Variants in CCDC85A observed in about 807,000 individuals in gnomAD.
CCDC85A encodes coiled-coil domain-containing protein 85A.
CCDC85A carries 38 observed loss-of-function variants against 50.2 expected under a neutral mutation model. The observed-to-expected ratio is 0.76, with a 90% CI of 0.58 to 0.99. CCDC85A has a LOEUF of 0.99. CCDC85A is among the 50% of genes least tolerant of loss of function. The pLI is 0.00. For missense variants in CCDC85A, 820 were observed against 742.0 expected, an observed-to-expected ratio of 1.11 and a Z score of -1.22; for synonymous variants, 366 against 301.4, an observed-to-expected ratio of 1.21 and a Z score of -2.22.
chr2:56,249,926 C>T (rs1486658909), intron 2 of CCDC85A, among the ~76,000 whole-genome samples: 14 of 152,296 alleles, frequency 9.2e-5, no homozygotes, highest in Non-Finnish European at 2.1e-4. Context: ...CAGGCCCTGC[C>T]ATAGCTATAT....
At chr2:56,379,902 T>TTCA in intron 5 of CCDC85A, 5 of 546,578 alleles carry the variant, frequency 9.1e-6, no homozygotes, top group Non-Finnish European at 9.3e-6. Context: ...CATCGTAGCT[T>TTCA]AGCTATTGTT....
At chr2:56,206,820 C>T (rs1676981910) in intron 2 of CCDC85A, among the ~76,000 whole-genome samples, 1 of 152,140 alleles carries the variant, frequency 6.6e-6, no homozygotes, top group Admixed American at 6.5e-5. Flanking sequence ...CAGGTTTGTA[C>T]CGTGATTTAA....
intron 2 of CCDC85A, among the ~76,000 whole-genome samples, chr2:56,212,888 A>C (rs1191861389): frequency 6.6e-6 from 1 of 151,996 alleles, no homozygotes; most frequent in Admixed American, 6.6e-5. Context: ...TTATTTATAA[A>C]GTGTAGGTAG....
intron 2 of CCDC85A, among the ~76,000 whole-genome samples, chr2:56,238,273 T>G (rs1669108159): frequency 6.6e-6 from 1 of 151,892 alleles, no homozygotes; most frequent in East Asian, 1.9e-4. Context: ...AAAAATTAGC[T>G]AGGCATGGTG....
rs79393225 is a variant in CCDC85A, at chr2:56,199,502, C to T, written c.1240+6062C>T. ...CTGAAATTTATCACCTTAGGCTCTA[C>T]GACTTACTTTTGATGGTTAGAGATA... On this transcript the variant is annotated intron_variant, in intron 2 of 5. Transcript: ENST00000407595. Among the ~76,000 whole-genome samples the T allele has an allele frequency of 2.5e-3, 376 of 152,206 alleles. 1 individual carries two copies. The highest frequency in any genetic ancestry group is 4.2e-3 in the Non-Finnish European group (283 of 68,020).
chr2:56,192,960 G>A lies in CCDC85A; in HGVS notation c.760G>A (p.Ala254Thr), dbSNP rs554353955. Residue 254 changes from alanine to threonine, a missense_variant, in exon 2 of 6, where the codon GCC (alanine) becomes ACC (threonine). By Grantham distance (58) the Ala-to-Thr change is moderately conservative (BLOSUM62 0). Transcript: ENST00000407595. The surrounding 1 kb of genome is among the most constrained non-coding windows in gnomAD (Gnocchi z 4.7). ...CCCGGAGCACTCCAAGCACAGGAGC[G>A]CCAGCCCCGAGCATCCACAGAAACC... ...GSPEHSKHRS[A>T]SPEHPQKPRA... 1.9e-5 allele frequency: 31 copies of A among 1,613,320 alleles called. No homozygotes were observed. The South Asian group carries it at 2.3e-4, about 12-fold the overall frequency.
chr2:56,379,373 G>A (rs1676480506), intron 5 of CCDC85A, among the ~76,000 whole-genome samples: 2 of 152,030 alleles, frequency 1.3e-5, no homozygotes, highest in Non-Finnish European at 2.9e-5. Context: ...TGGACCATTT[G>A]GCACATAGTT....
Position 56,184,197 on chromosome 2 carries a change from GA to G in CCDC85A, c.-425del, listed in dbSNP as rs1354225284. Reference sequence around the variant, plus strand: ...GGGGCTGCAGCTGGGCAAGGGGGAGGAAAGTGCGTGTGCGTGCACGCCTGTG... The same window carrying G: ...GGGGCTGCAGCTGGGCAAGGGGGAGGAAGTGCGTGTGCGTGCACGCCTGTG... On this transcript the variant is annotated 5_prime_UTR_variant, in exon 1 of 6. Coordinates refer to ENST00000407595, the MANE Select transcript of CCDC85A (RefSeq NM_001080433.2). 1.0e-6 allele frequency: 1 copy of G among 989,632 alleles called. No individual in the cohort carries two copies. The highest frequency in any genetic ancestry group is 1.2e-6 in the Non-Finnish European group (1 of 832,720). 61.3% of individuals were successfully genotyped at this position (989,632 alleles called of 1,614,324 possible).
At chr2:56,205,330 C>G in intron 2 of CCDC85A, among the ~76,000 whole-genome samples, 1 of 152,274 alleles carries the variant, frequency 6.6e-6, no homozygotes, top group East Asian at 1.9e-4. Flanking sequence ...CAGACATTTT[C>G]TCCTTTCTTT....
chr2:56,282,952 CT>C (rs1347829893), intron 2 of CCDC85A, among the ~76,000 whole-genome samples: 4 of 152,032 alleles, frequency 2.6e-5, no homozygotes, highest in Non-Finnish European at 4.4e-5. Context: ...AAAATGTTTT[CT>C]TTTTTTCTTC....
intron 2 of CCDC85A, among the ~76,000 whole-genome samples, chr2:56,303,635 C>T (rs1159680645): frequency 3.3e-5 from 5 of 152,092 alleles, no homozygotes; most frequent in African/African-American, 9.7e-5. Flanking sequence ...CTTATGAGAA[C>T]TAAATAATTA....
intron 2 of CCDC85A, among the ~76,000 whole-genome samples, chr2:56,228,134 G>C (rs1348248898): frequency 1.3e-5 from 2 of 152,148 alleles, no homozygotes; most frequent in African/African-American, 2.4e-5. Flanking sequence ...TGTGAAGTCA[G>C]CCAGTCCAGC....
At chr2:56,186,745 T>G (rs1338113687) in intron 1 of CCDC85A, among the ~76,000 whole-genome samples, 1 of 152,152 alleles carries the variant, frequency 6.6e-6, no homozygotes, top group African/African-American at 2.4e-5. Flanking sequence ...TGTGTGTGGG[T>G]AGGGGAGGGG....
intron 2 of CCDC85A, among the ~76,000 whole-genome samples, chr2:56,245,285 CTA>C (rs1199641922): frequency 6.6e-6 from 1 of 152,236 alleles, no homozygotes; most frequent in African/African-American, 2.4e-5. Context: ...CAGGGCTGGT[CTA>C]AATGCTCCCT....
chr2:56,241,667 T>C (rs1341176999), intron 2 of CCDC85A, among the ~76,000 whole-genome samples: 2 of 152,218 alleles, frequency 1.3e-5, no homozygotes, highest in East Asian at 1.9e-4. Context: ...AAGATCTCAT[T>C]CTTTATGATG....
chr2:56,361,407 A>T (rs1243930625), intron 3 of CCDC85A, among the ~76,000 whole-genome samples: 2 of 152,174 alleles, frequency 1.3e-5, no homozygotes, highest in African/African-American at 4.8e-5. Flanking sequence ...TAAATAAGAG[A>T]GTTAAGGCCT....
chr2:56,245,404 A>G (rs913964972), intron 2 of CCDC85A, among the ~76,000 whole-genome samples: 1 of 152,344 alleles, frequency 6.6e-6, no homozygotes. Context: ...TCCTCATGCC[A>G]CATGGCCTCT....
chr2:56,367,940 T>C (rs1308762136), intron 3 of CCDC85A, among the ~76,000 whole-genome samples: 2 of 97,000 alleles, frequency 2.1e-5, no homozygotes, highest in Non-Finnish European at 5.0e-5. Flanking sequence ...ATGAGGAAAC[T>C]AAGGCACAGA....
chr2:56,220,165 GGAACATCCTTTCGTGCATATATTTGTCA>G lies in CCDC85A; in HGVS notation c.1240+26727_1240+26754del, dbSNP rs569233997. 7.2e-5 allele frequency among the ~76,000 whole-genome samples: 11 copies of G among 152,034 alleles called. No individual in the cohort carries two copies. The East Asian group carries it at 2.1e-3, about 29-fold the overall frequency. On this transcript the variant is annotated intron_variant, in intron 2 of 5. Coordinates refer to ENST00000407595, the MANE Select transcript of CCDC85A (RefSeq NM_001080433.2). ...GGAATTCTGAGATGTTAGTGTTCTT[GGAACATCCTTTCGTGCATATATTTGTCA>G]GTACAGGCACAAATACTCCCTTCCA...
Sources: gnomAD v4.1 joint callset for allele counts (sites outside exome capture counted in the v4.1 genomes callset) on GRCh38, gnomAD v4.1.1 for gene constraint, Gnocchi (gnomAD v3.1) non-coding constraint, MANE v1.5 for transcripts, NCBI Gene and HGNC (gene_info 2026-07-23, HGNC 2026-07-21) for gene names.